OXNAD1: variants seen among roughly 807,000 people sequenced by gnomAD.
OXNAD1 encodes the protein oxidoreductase NAD-binding domain-containing protein 1.
OXNAD1 carries 34 observed loss-of-function variants against 32.9 expected under a neutral mutation model. That is an observed-to-expected ratio of 1.03 (90% CI 0.79 to 1.38). The LOEUF (loss-of-function observed/expected upper bound fraction) is 1.38, where lower values mean the gene tolerates loss of function less well. Among genes scored for constraint, OXNAD1 ranks in the 40% most tolerant of loss-of-function variants. OXNAD1 has a pLI of 0.00. For synonymous variants in OXNAD1, 134 were observed against 135.2 expected, an observed-to-expected ratio of 0.99 and a Z score of 0.06; for missense variants, 407 against 379.4, an observed-to-expected ratio of 1.07 and a Z score of -0.60.
rs1188453757 is a variant in OXNAD1, at chr3:16,348,911, C to A, written c.*31-265C>A. Among the ~76,000 whole-genome samples the A allele has an allele frequency of 6.6e-6, 1 of 152,208 alleles. No individual in the cohort carries two copies. The highest frequency in any genetic ancestry group is 2.4e-5 in the African/African-American group (1 of 41,450). Reference sequence around the variant, plus strand: ...CCACACACATTTCAGAACACCCGAGCAAGTGGCTGCTGCCAAGGAGGAGGC... The same window carrying A: ...CCACACACATTTCAGAACACCCGAGAAAGTGGCTGCTGCCAAGGAGGAGGC... On this transcript the variant is annotated intron_variant, in intron 9 of 9. Coordinates refer to the OXNAD1 transcript ENST00000606098. This position sits in a 1 kb window ranked among gnomAD's most constrained non-coding sequence, Gnocchi z 6.3.
rs2068896491 is a variant in OXNAD1 at position 16,320,269 on chromosome 3, A to G, written c.*30+16677A>G. Among the ~76,000 whole-genome samples, 2 of 152,230 alleles carry G rather than the reference A, an allele frequency of 1.3e-5. No homozygotes were observed. The highest frequency in any genetic ancestry group is 6.5e-5 in the Admixed American group (1 of 15,282). ...CCTTGAAAATCACACGCACGTACACAGAGGTTTCTTTCCAATGCTGAAAAG... is the reference window on the plus strand; with the variant it reads ...CCTTGAAAATCACACGCACGTACACGGAGGTTTCTTTCCAATGCTGAAAAG... On this transcript the variant is annotated intron_variant, in intron 9 of 9. Transcript: ENST00000435829. The surrounding 1 kb of genome is among the most constrained non-coding windows in gnomAD (Gnocchi z 4.5).
chr3:16,274,407 T>C (rs2065181136), intron 4 of OXNAD1, among the ~76,000 whole-genome samples: 1 of 152,160 alleles, frequency 6.6e-6, no homozygotes, highest in African/African-American at 2.4e-5. Context: ...TTAGTTTGGT[T>C]CCACTGGAAT....
At position 16,294,998 on chromosome 3, in the gene OXNAD1, G is replaced by A. The variant is rs1303363816; in HGVS notation, c.432+1G>A. On this transcript the variant is annotated splice_donor_variant, in intron 6 of 8. Transcript: ENST00000285083. LOFTEE classifies it high-confidence loss of function. ...TCCTGCCCTCTGGGTTCACAATACG[G>A]TAAGCACACTGCCTGTTTAAACGCG... 2 of 1,608,470 alleles carry A rather than the reference G, an allele frequency of 1.2e-6. No individual in the cohort carries two copies. Among genetic ancestry groups the A allele is most frequent in the Non-Finnish European group, 1.7e-6 (2 of 1,177,614 alleles).
In OXNAD1 at chr3:16,301,646, G is replaced by A; in HGVS notation, c.453G>A (p.Val151=). The change falls in exon 7 of 9, where the codon GTG becomes GTA. Residue 151 remains valine, a synonymous_variant. Coordinates refer to ENST00000285083, the MANE Select transcript of OXNAD1 (RefSeq NM_138381.5). The surrounding 1 kb of genome is among the most constrained non-coding windows in gnomAD (Gnocchi z 4.1). ...VHNTCTLDCE[V]AVRVGGEFFF... ...CTTAGTGTACACTTGACTGTGAAGTGGCTGTGAGAGTGGGTGGAGAGTTCT... is the reference window on the plus strand; with the variant it reads ...CTTAGTGTACACTTGACTGTGAAGTAGCTGTGAGAGTGGGTGGAGAGTTCT... 6.2e-7 allele frequency: 1 copy of A among 1,613,930 alleles called. No individual in the cohort carries two copies. Among genetic ancestry groups the A allele is most frequent in the East Asian group, 2.2e-5 (1 of 44,850 alleles).
At chr3:16,310,518 T>C (rs149066409), downstream of OXNAD1, among the ~76,000 whole-genome samples, 25 of 152,346 alleles carry the variant, frequency 1.6e-4, no homozygotes, top group East Asian at 4.6e-3. Context: ...ACACAAGTTT[T>C]ACCACATTAA....
At chr3:16,275,713 A>T (rs2124998687) in intron 4 of OXNAD1, 1 of 173,410 alleles carries the variant, frequency 5.8e-6, no homozygotes, top group Non-Finnish European at 1.3e-5. Flanking sequence ...AATGGCAATA[A>T]TAGATTATTT....
chr3:16,311,013 AATC>A (rs2067943759), downstream of OXNAD1, among the ~76,000 whole-genome samples: 2 of 146,772 alleles, frequency 1.4e-5, no homozygotes, highest in South Asian at 4.2e-4. Flanking sequence ...AAAAAAAAAA[AATC>A]ATCTGGGAGA....
At chr3:16,310,589 A>G (rs1337519003), downstream of OXNAD1, among the ~76,000 whole-genome samples, 1 of 152,178 alleles carries the variant, frequency 6.6e-6, no homozygotes, top group African/African-American at 2.4e-5. Context: ...GGATGAATGA[A>G]TATCTCTACT....
At position 16,271,050 on chromosome 3, in the gene OXNAD1, T is replaced by C. The variant is rs140887403; in HGVS notation, c.98T>C (p.Leu33Ser). Residue 33 changes from leucine (L) to serine (S), a missense_variant, in exon 3 of 9, where the codon TTG (leucine) becomes TCG (serine). Leu to Ser is a moderately radical substitution (Grantham distance 145, BLOSUM62 -2). Coordinates refer to ENST00000285083, the MANE Select transcript of OXNAD1 (RefSeq NM_138381.5). This position sits in a 1 kb window ranked among gnomAD's most constrained non-coding sequence, Gnocchi z 4.6. ...AASLRLTLST[L>S]RHLTLTSIMK... ...TCACTGAGATTGACACTCAGCACTT[T>C]GCGCCACCTTACTCTAACCAGGTGA... The C allele has an allele frequency of 2.5e-6, 4 of 1,614,014 alleles. No individual in the cohort carries two copies. In the African/African-American group the frequency reaches 5.3e-5, roughly 22 times the overall value.
At position 16,298,800 on chromosome 3, in the gene OXNAD1, C is replaced by G. The variant is rs140134553; in HGVS notation, c.433-2826C>G. ...TGCTGTGGAAAGGTTGTTTATTTCA[C>G]AAGTAGAAAATCTATACCAAAATTA... On this transcript the variant is annotated intron_variant, in intron 6 of 8. Transcript: ENST00000285083. The surrounding 1 kb of genome is among the most constrained non-coding windows in gnomAD (Gnocchi z 5.1). Among the ~76,000 whole-genome samples, 208 of 152,282 alleles carry G rather than the reference C, an allele frequency of 1.4e-3. No individual in the cohort carries two copies. Among genetic ancestry groups the G allele is most frequent in the African/African-American group, 4.8e-3 (201 of 41,566 alleles).
chr3:16,317,196 T>G lies in OXNAD1; in HGVS notation c.*30+13604T>G. 1.2e-6 allele frequency: 2 copies of G among 1,613,402 alleles called. No individual in the cohort carries two copies. Among genetic ancestry groups the G allele is most frequent in the Non-Finnish European group, 1.7e-6 (2 of 1,179,988 alleles). On this transcript the variant is annotated intron_variant, in intron 9 of 9. Transcript: ENST00000435829. The surrounding 1 kb of genome is among the most constrained non-coding windows in gnomAD (Gnocchi z 4.3). Reference sequence around the variant, plus strand: ...TTACCTTTTGATTTCCTCATCTGCCTGTTGTGCATTTCTTCTCTGGAGAAT... The same window carrying G: ...TTACCTTTTGATTTCCTCATCTGCCGGTTGTGCATTTCTTCTCTGGAGAAT...
At chr3:16,349,093 C>T (rs1333316016) in intron 9 of OXNAD1, 2 of 152,226 alleles carry the variant, frequency 1.3e-5, no homozygotes, top group Non-Finnish European at 2.9e-5. Context: ...TAATCTCTTC[C>T]CCATCATTAT....
chr3:16,327,068 C>T lies in OXNAD1; in HGVS notation c.*31-10044C>T, dbSNP rs519819. ...AGTCAAACTGCCAACATGGGATTTC[C>T]TTCTGGGCCCCATTTCAGTCTGTGA... On this transcript the variant is annotated intron_variant, in intron 9 of 9. Transcript: ENST00000435829. The surrounding 1 kb of genome is among the most constrained non-coding windows in gnomAD (Gnocchi z 4.2). Among the ~76,000 whole-genome samples the T allele has an allele frequency of 0.59, 90,264 of 152,034 alleles. 27,075 individuals carry two copies. Among genetic ancestry groups the T allele is most frequent in the African/African-American group, 0.69 (28,475 of 41,474 alleles).
rs1027595465 is a variant in OXNAD1 at position 16,301,324 on chromosome 3, C to G, written c.433-302C>G. Among the ~76,000 whole-genome samples, 18 of 152,234 alleles carry G rather than the reference C, an allele frequency of 1.2e-4. No homozygotes were observed. Among genetic ancestry groups the G allele is most frequent in the African/African-American group, 4.3e-4 (18 of 41,456 alleles). On this transcript the variant is annotated intron_variant, in intron 6 of 8. Coordinates refer to ENST00000285083, the MANE Select transcript of OXNAD1 (RefSeq NM_138381.5). This position sits in a 1 kb window ranked among gnomAD's most constrained non-coding sequence, Gnocchi z 4.1. ...TGTACCCTGCCTTTGAGTCCATTGCCTCTTTCCTCAATCCAGTTCATCGCC... is the reference window on the plus strand; with the variant it reads ...TGTACCCTGCCTTTGAGTCCATTGCGTCTTTCCTCAATCCAGTTCATCGCC...
At chr3:16,274,761 G>A (rs2065203135) in intron 4 of OXNAD1, among the ~76,000 whole-genome samples, 1 of 152,158 alleles carries the variant, frequency 6.6e-6, no homozygotes, top group Non-Finnish European at 1.5e-5. Flanking sequence ...TCTGTTTCAG[G>A]TTCTTTTGAA....
At chr3:16,292,209 T>G (rs1051883479) in intron 5 of OXNAD1, among the ~76,000 whole-genome samples, 47 of 137,946 alleles carry the variant, frequency 3.4e-4, no homozygotes, top group African/African-American at 1.1e-3. Context: ...TTTTTTTTTT[T>G]GAAATGGAGT....
At chr3:16,282,295 C>T (rs2065799179) in intron 4 of OXNAD1, among the ~76,000 whole-genome samples, 1 of 151,562 alleles carries the variant, frequency 6.6e-6, no homozygotes. Context: ...GTCTGCTCTC[C>T]CTGAACTCTC....
chr3:16,332,163 G>GA (rs1298441808), intron 9 of OXNAD1, among the ~76,000 whole-genome samples: 1 of 151,746 alleles, frequency 6.6e-6, no homozygotes. Flanking sequence ...CTTCAGTTCT[G>GA]AAAAATGTAT....
Position 16,342,972 on chromosome 3 carries a change from C to T in OXNAD1, c.*31-6204C>T, listed in dbSNP as rs2071411051. The stretch of plus-strand genomic sequence containing the variant: ...CTCCCACTACAGCCCCTCTGAGTCG[C>T]TGGGAATACAGGCACACACCACCAT... On this transcript the variant is annotated intron_variant, in intron 9 of 9. Transcript: ENST00000606098. The surrounding 1 kb of genome is among the most constrained non-coding windows in gnomAD (Gnocchi z 4.0). 6.6e-6 allele frequency among the ~76,000 whole-genome samples: 1 copy of T among 152,140 alleles called. No homozygotes were observed. Among genetic ancestry groups the T allele is most frequent in the South Asian group, 2.1e-4 (1 of 4,822 alleles).
Sources: gnomAD v4.1 joint callset for allele counts (sites outside exome capture counted in the v4.1 genomes callset) on GRCh38, gnomAD v4.1.1 for gene constraint, Gnocchi (gnomAD v3.1) non-coding constraint, MANE v1.5 for transcripts, NCBI Gene and HGNC (gene_info 2026-07-23, HGNC 2026-07-21) for gene names.